The following HS3ST4 variants were observed in gnomAD, a reference collection of about 807,000 sequenced individuals.
The protein encoded by HS3ST4 is heparan sulfate-glucosamine 3-sulfotransferase 4.
A neutral mutation model predicts 29.2 loss-of-function variants in HS3ST4; 17 were observed. That is an observed-to-expected ratio of 0.58 (90% confidence interval 0.40 to 0.87). The LOEUF (loss-of-function observed/expected upper bound fraction) is 0.87. Ranked by LOEUF, HS3ST4 falls within the 40% of genes least tolerant of loss-of-function variation. The probability of loss-of-function intolerance (pLI) is 0.00; values close to 1 mark genes in which losing one functional copy is unlikely to be tolerated. For missense variants in HS3ST4, 627 were observed against 634.5 expected, an observed-to-expected ratio of 0.99 and a Z score of 0.13; for synonymous variants, 314 against 285.7, an observed-to-expected ratio of 1.10 and a Z score of -1.00.
chr16:25,717,088 G>C (rs1966459551), intron 1 of HS3ST4, among the ~76,000 whole-genome samples: 1 of 152,058 alleles, frequency 6.6e-6, no homozygotes, highest in South Asian at 2.1e-4. Context: ...GGAATTACAA[G>C]TGACTTGTCC....
At chr16:25,957,935 T>C (rs1449314811) in intron 1 of HS3ST4, among the ~76,000 whole-genome samples, 3 of 152,110 alleles carry the variant, frequency 2.0e-5, no homozygotes, top group Admixed American at 6.6e-5. Flanking sequence ...TTGTGTTTCC[T>C]TAGACTCTTC....
chr16:25,845,785 A>C (rs1967460739), intron 1 of HS3ST4, among the ~76,000 whole-genome samples: 1 of 152,062 alleles, frequency 6.6e-6, no homozygotes, highest in Admixed American at 6.5e-5. Context: ...CTGGAGGCTG[A>C]AAAATGCTAT....
intron 1 of HS3ST4, among the ~76,000 whole-genome samples, chr16:25,959,253 G>A (rs1027089136): frequency 1.3e-5 from 2 of 152,166 alleles, no homozygotes; most frequent in Admixed American, 6.5e-5. Context: ...ACTGGTTGCC[G>A]AAAGTTGGGT....
chr16:25,885,218 C>G (rs1967937430), intron 1 of HS3ST4, among the ~76,000 whole-genome samples: 1 of 152,146 alleles, frequency 6.6e-6, no homozygotes, highest in South Asian at 2.1e-4. Context: ...GGCAGAAAAG[C>G]CTTTGTCCTA....
intron 1 of HS3ST4, among the ~76,000 whole-genome samples, chr16:26,100,519 T>C (rs1898978086): frequency 6.6e-6 from 1 of 152,146 alleles, no homozygotes; most frequent in South Asian, 2.1e-4. Context: ...CTTCTAATGA[T>C]GACTGACTTA....
In HS3ST4 at chr16:26,088,132, C is replaced by T. The variant is rs530779228; in HGVS notation, c.735-47480C>T. On this transcript the variant is annotated intron_variant, in intron 1 of 1. Coordinates refer to ENST00000331351, the MANE Select transcript of HS3ST4 (RefSeq NM_006040.3). Reference sequence around the variant, plus strand: ...TTGTCTTTTTTCCTGCCACACTAGCCATTCACCCCTGCCCGGCATGCTATG... The same window carrying T: ...TTGTCTTTTTTCCTGCCACACTAGCTATTCACCCCTGCCCGGCATGCTATG... Among the ~76,000 whole-genome samples the T allele has an allele frequency of 1.9e-4, 29 of 152,268 alleles. 1 individual carries two copies. The South Asian group carries it at 6.0e-3, about 32-fold the overall frequency.
At chr16:26,121,748 A>G (rs1020072581) in intron 1 of HS3ST4, among the ~76,000 whole-genome samples, 2 of 152,174 alleles carry the variant, frequency 1.3e-5, no homozygotes, top group Middle Eastern at 3.2e-3. Context: ...GACCTCCATA[A>G]TCATCATTTA....
chr16:25,882,362 A>G (rs899426620), intron 1 of HS3ST4, among the ~76,000 whole-genome samples: 2 of 152,162 alleles, frequency 1.3e-5, no homozygotes, highest in Non-Finnish European at 2.9e-5. Flanking sequence ...ACCACCTTGC[A>G]GAAGTTTATG....
At chr16:25,864,575 C>A (rs545993609) in intron 1 of HS3ST4, among the ~76,000 whole-genome samples, 3 of 152,224 alleles carry the variant, frequency 2.0e-5, no homozygotes, top group Admixed American at 2.0e-4. Context: ...CCCCTGGGAA[C>A]TGCCACTCTA....
At chr16:25,860,483 A>G (rs796653423) in intron 1 of HS3ST4, among the ~76,000 whole-genome samples, 4 of 152,298 alleles carry the variant, frequency 2.6e-5, no homozygotes, top group African/African-American at 9.6e-5. Context: ...TTTTGGATAC[A>G]CAGTTTATGG....
At chr16:25,794,012 A>G (rs995535101) in intron 1 of HS3ST4, among the ~76,000 whole-genome samples, 2 of 151,712 alleles carry the variant, frequency 1.3e-5, no homozygotes, top group Non-Finnish European at 2.9e-5. Flanking sequence ...TTCTTGTGCT[A>G]TCTTTTAAAT....
chr16:25,870,409 A>AT (rs1967738172), intron 1 of HS3ST4, among the ~76,000 whole-genome samples: 1 of 152,222 alleles, frequency 6.6e-6, no homozygotes, highest in Admixed American at 6.5e-5. Flanking sequence ...GTAAAAAAAA[A>AT]GCTCCCTCAC....
intron 1 of HS3ST4, among the ~76,000 whole-genome samples, chr16:26,041,399 A>G (rs1029570604): frequency 1.3e-5 from 2 of 152,136 alleles, no homozygotes; most frequent in Admixed American, 6.5e-5. Context: ...TTACATAAAC[A>G]TTATTTTAAA....
At chr16:25,998,050 A>G (rs1453560412) in intron 1 of HS3ST4, among the ~76,000 whole-genome samples, 2 of 152,220 alleles carry the variant, frequency 1.3e-5, no homozygotes, top group East Asian at 3.9e-4. Flanking sequence ...AGCCTGGGCA[A>G]CATAGTGAAA....
chr16:25,882,203 G>A (rs964344693), intron 1 of HS3ST4, among the ~76,000 whole-genome samples: 6 of 152,182 alleles, frequency 3.9e-5, no homozygotes, highest in Non-Finnish European at 8.8e-5. Flanking sequence ...CACATTCCCT[G>A]AAGTGAATAC....
intron 1 of HS3ST4, among the ~76,000 whole-genome samples, chr16:25,724,770 C>G (rs1229425239): frequency 6.6e-6 from 1 of 152,090 alleles, no homozygotes; most frequent in East Asian, 1.9e-4. Context: ...TAAAGGAGGT[C>G]AGGTCACTGG....
chr16:26,002,351 A>G lies in HS3ST4; in HGVS notation c.735-133261A>G, dbSNP rs192292992. On this transcript the variant is annotated intron_variant, in intron 1 of 1. Coordinates refer to ENST00000331351, the MANE Select transcript of HS3ST4 (RefSeq NM_006040.3). The stretch of plus-strand genomic sequence containing the variant: ...ATTGTGGGAACACTTTTTTTAATGG[A>G]TTACCCCAGAGCACCTGAGACAATA... Among the ~76,000 whole-genome samples, 275 of 152,260 alleles carry G rather than the reference A, an allele frequency of 1.8e-3. 1 individual carries two copies. The highest frequency in any genetic ancestry group is 3.2e-3 in the Non-Finnish European group (217 of 68,024).
At chr16:26,088,174 G>T (rs1486580114) in intron 1 of HS3ST4, among the ~76,000 whole-genome samples, 1 of 152,146 alleles carries the variant, frequency 6.6e-6, no homozygotes, top group Admixed American at 6.6e-5. Flanking sequence ...TAATCTGTTT[G>T]TGTATTGTAT....
At chr16:25,742,585 G>T (rs1367664289) in intron 1 of HS3ST4, among the ~76,000 whole-genome samples, 2 of 152,214 alleles carry the variant, frequency 1.3e-5, no homozygotes, top group African/African-American at 4.8e-5. Flanking sequence ...AGAAGAATAA[G>T]GGTGAATAGA....
Sources: allele counts gnomAD v4.1 joint callset (sites outside exome capture counted in the v4.1 genomes callset), GRCh38; gene constraint gnomAD v4.1.1; transcripts MANE v1.5; gene names NCBI Gene and HGNC (gene_info 2026-07-23, HGNC 2026-07-21).